Variants in RCSD1 observed in about 807,000 individuals in gnomAD.
RCSD1 encodes capZ-interacting protein.
In RCSD1, 26 loss-of-function variants were observed where a neutral mutation model predicts 42.5. The ratio of observed to expected loss-of-function variants is 0.61; its 90% CI spans 0.45 to 0.85. The LOEUF is 0.85. Among genes scored for constraint, RCSD1 ranks in the 40% least tolerant of loss-of-function variants. RCSD1 has a pLI of 0.00. For missense variants in RCSD1, 571 were observed against 528.3 expected, an observed-to-expected ratio of 1.08 and a Z score of -0.79; for synonymous variants, 220 against 212.2, an observed-to-expected ratio of 1.04 and a Z score of -0.32.
intron 1 of RCSD1, among the ~76,000 whole-genome samples, chr1:167,642,220 G>A (rs988679843): frequency 1.3e-5 from 2 of 152,212 alleles, no homozygotes; most frequent in African/African-American, 4.8e-5. Flanking sequence ...TTAGTGGCCT[G>A]ATAGAGTCTT....
chr1:167,639,910 A>G (rs1657963383), intron 1 of RCSD1, among the ~76,000 whole-genome samples: 1 of 152,230 alleles, frequency 6.6e-6, no homozygotes, highest in Non-Finnish European at 1.5e-5. Context: ...CGATGCCCTC[A>G]AGGGGTCTTT....
At chr1:167,676,927 TC>T (rs1658965267) in intron 1 of RCSD1, among the ~76,000 whole-genome samples, 1 of 152,168 alleles carries the variant, frequency 6.6e-6, no homozygotes, top group Non-Finnish European at 1.5e-5. Flanking sequence ...AGGGACACAC[TC>T]CCAGGCTCAA....
chr1:167,681,704 C>T (rs1241729196), intron 1 of RCSD1, among the ~76,000 whole-genome samples: 2 of 152,170 alleles, frequency 1.3e-5, no homozygotes, highest in Non-Finnish European at 2.9e-5. Context: ...GTCAGCAGGA[C>T]CCAAGCATAA....
At chr1:167,691,786 T>C (rs1175534679) in intron 4 of RCSD1, among the ~76,000 whole-genome samples, 1 of 152,196 alleles carries the variant, frequency 6.6e-6, no homozygotes, top group Non-Finnish European at 1.5e-5. Context: ...ACCTGAAATT[T>C]AATTCAAACT....
chr1:167,690,178 A>G, intron 4 of RCSD1, 58 bp downstream of exon 4: 1 of 1,552,456 alleles, frequency 6.4e-7, no homozygotes, highest in Non-Finnish European at 8.9e-7. Context: ...TTCTTATCCA[A>G]AATTTGCATG....
rs570818802 is a variant in RCSD1 at position 167,690,806 on chromosome 1, G to T, written c.270+686G>T. ...AACCATTTCAGCCCTGCATAGGGCT[G>T]GTGTTCAGTTGCTGCACACTGCACC... On this transcript the variant is annotated intron_variant, in intron 4 of 6. Transcript: ENST00000367854. 9.2e-5 allele frequency among the ~76,000 whole-genome samples: 14 copies of T among 152,280 alleles called. No homozygotes were observed. The South Asian group carries it at 2.9e-3, about 32-fold the overall frequency.
At chr1:167,657,451 A>C (rs530661052) in intron 1 of RCSD1, among the ~76,000 whole-genome samples, 3 of 152,372 alleles carry the variant, frequency 2.0e-5, no homozygotes, top group Non-Finnish European at 2.9e-5. Flanking sequence ...TAGCAAAGGG[A>C]CAGCATTTTT....
At chr1:167,656,282 G>A (rs1379279903) in intron 1 of RCSD1, among the ~76,000 whole-genome samples, 1 of 152,152 alleles carries the variant, frequency 6.6e-6, no homozygotes. Flanking sequence ...AGAATTCAGT[G>A]AGGAGGTAAT....
chr1:167,686,336 T>G lies in RCSD1; in HGVS notation c.198+826T>G, dbSNP rs529434546. 4.6e-5 allele frequency among the ~76,000 whole-genome samples: 7 copies of G among 152,326 alleles called. No individual in the cohort carries two copies. In the South Asian group the frequency reaches 1.0e-3, roughly 23 times the overall value. ...ACCTCTTTATTCTCCCCTTCTTTTTTGGGGACCAGCATCCTGACAATAGCC... is the reference window on the plus strand; with the variant it reads ...ACCTCTTTATTCTCCCCTTCTTTTTGGGGGACCAGCATCCTGACAATAGCC... On this transcript the variant is annotated intron_variant, in intron 3 of 6. Coordinates refer to ENST00000367854, the MANE Select transcript of RCSD1 (RefSeq NM_052862.4).
intron 1 of RCSD1, among the ~76,000 whole-genome samples, chr1:167,670,072 C>T (rs74120620): frequency 0.03 from 4,569 of 152,148 alleles, 243 homozygotes; most frequent in African/African-American, 0.11. Context: ...TTGTGTGGGC[C>T]TCCAGGTGGC....
rs369630487 is a variant in RCSD1, at chr1:167,649,917, G to C, written c.6+19488G>C. 1.3e-4 allele frequency among the ~76,000 whole-genome samples: 20 copies of C among 152,314 alleles called. No homozygotes were observed. In the South Asian group the frequency reaches 3.9e-3, roughly 30 times the overall value. On this transcript the variant is annotated intron_variant, in intron 1 of 6. Coordinates refer to ENST00000367854, the MANE Select transcript of RCSD1 (RefSeq NM_052862.4). Reference sequence around the variant, plus strand: ...TAATAAACAGCTCACCTGTGCCTCTGGGGCAGCTGTAAAGATGCACTGTGT... The same window carrying C: ...TAATAAACAGCTCACCTGTGCCTCTCGGGCAGCTGTAAAGATGCACTGTGT...
At chr1:167,638,874 T>A (rs1177298948) in intron 1 of RCSD1, among the ~76,000 whole-genome samples, 1 of 152,162 alleles carries the variant, frequency 6.6e-6, no homozygotes, top group African/African-American at 2.4e-5. Context: ...ACATAAGCAA[T>A]TTACCAATGG....
At chr1:167,696,061 T>C (rs1428202106) in intron 5 of RCSD1, among the ~76,000 whole-genome samples, 1 of 152,046 alleles carries the variant, frequency 6.6e-6, no homozygotes, top group Admixed American at 6.6e-5. Context: ...GGTTTCCCAG[T>C]ATCCGCCAAC....
intron 1 of RCSD1, among the ~76,000 whole-genome samples, chr1:167,648,465 G>A (rs1378553237): frequency 1.3e-5 from 2 of 152,196 alleles, no homozygotes; most frequent in African/African-American, 2.4e-5. Flanking sequence ...CAGGCTCAGC[G>A]AGATGTGCCA....
intron 1 of RCSD1, among the ~76,000 whole-genome samples, chr1:167,682,179 T>G (rs1659097642): frequency 1.3e-5 from 2 of 151,764 alleles, no homozygotes; most frequent in South Asian, 4.2e-4. Flanking sequence ...AGCCTTTTTT[T>G]TTTTTTTTGA....
rs529099001 is a variant in RCSD1, at chr1:167,681,449, A to C, written c.7-2451A>C. ...GGAGTCCTTAGTCTAAAGAAAAGCC[A>C]TTCACTAGGCTCCAGGAAAACAAAC... On this transcript the variant is annotated intron_variant, in intron 1 of 6. Transcript: ENST00000367854. Among the ~76,000 whole-genome samples, 5 of 152,332 alleles carry C rather than the reference A, an allele frequency of 3.3e-5. No homozygotes were observed. The East Asian group carries it at 5.8e-4, about 18-fold the overall frequency.
At chr1:167,648,143 T>A (rs893669960) in intron 1 of RCSD1, among the ~76,000 whole-genome samples, 1 of 152,232 alleles carries the variant, frequency 6.6e-6, no homozygotes, top group Non-Finnish European at 1.5e-5. Context: ...AGTATTCTTG[T>A]TCCTCATAGT....
At chr1:167,650,182 A>C (rs1355598135) in intron 1 of RCSD1, among the ~76,000 whole-genome samples, 1 of 152,204 alleles carries the variant, frequency 6.6e-6, no homozygotes, top group Non-Finnish European at 1.5e-5. Flanking sequence ...ATTTGGAAAG[A>C]ATATAAAAGA....
chr1:167,646,625 A>T (rs1349816358), intron 1 of RCSD1, among the ~76,000 whole-genome samples: 2 of 152,038 alleles, frequency 1.3e-5, no homozygotes, highest in Non-Finnish European at 2.9e-5. Flanking sequence ...TCAACCCATC[A>T]TCTAGGTTTT....
Sources: gnomAD v4.1 joint callset for allele counts (sites outside exome capture counted in the v4.1 genomes callset) on GRCh38, gnomAD v4.1.1 for gene constraint, MANE v1.5 for transcripts, NCBI Gene and HGNC (gene_info 2026-07-23, HGNC 2026-07-21) for gene names.